The following EXT1 variants were observed in gnomAD, a reference collection of about 807,000 sequenced individuals.
EXT1 encodes exostosin-1.
In EXT1, 20 loss-of-function variants were observed where a neutral mutation model predicts 82.5. That is an observed-to-expected ratio of 0.24 (90% CI 0.17 to 0.35). EXT1 has a LOEUF of 0.35. Among genes scored for constraint, EXT1 ranks in the 10% least tolerant of loss-of-function variants. The probability of loss-of-function intolerance (pLI) is 1.00; values close to 1 mark genes in which losing one functional copy is unlikely to be tolerated. For missense variants in EXT1, 757 were observed against 936.5 expected (o/e 0.81, Z 2.50); for synonymous variants, 348 against 350.8 (o/e 0.99, Z 0.09).
chr8:117,853,531 A>G (rs1812490616), intron 1 of EXT1, among the ~76,000 whole-genome samples: 1 of 152,206 alleles, frequency 6.6e-6, no homozygotes, highest in Admixed American at 6.5e-5. Flanking sequence ...CAGATTCCAC[A>G]TACCTGCTAA....
intron 1 of EXT1, among the ~76,000 whole-genome samples, chr8:117,954,391 C>G (rs1407968102): frequency 6.6e-6 from 1 of 152,162 alleles, no homozygotes; most frequent in Non-Finnish European, 1.5e-5. Context: ...GTCTTGCCCC[C>G]ATAAGATGTC....
chr8:117,983,267 C>CTGAGGTGG (rs1327671374), intron 1 of EXT1, among the ~76,000 whole-genome samples: 1 of 152,028 alleles, frequency 6.6e-6, no homozygotes, highest in East Asian at 1.9e-4. Context: ...GAGGATTGTT[C>CTGAGGTGG]GAGTCCAGGA....
chr8:117,931,865 T>C (rs1480282420), intron 1 of EXT1, among the ~76,000 whole-genome samples: 1 of 152,242 alleles, frequency 6.6e-6, no homozygotes, highest in Non-Finnish European at 1.5e-5. Flanking sequence ...CTCTGGGTCC[T>C]AGATTTTTGA....
chr8:117,880,287 G>A (rs914103430), intron 1 of EXT1, among the ~76,000 whole-genome samples: 14 of 152,144 alleles, frequency 9.2e-5, no homozygotes, highest in South Asian at 2.1e-4. Context: ...CAAAGACAGC[G>A]TGCTGAATGA....
intron 1 of EXT1, among the ~76,000 whole-genome samples, chr8:117,949,752 G>A (rs1242378090): frequency 6.6e-6 from 1 of 152,076 alleles, no homozygotes; most frequent in Non-Finnish European, 1.5e-5. Context: ...ACGAAAGAGA[G>A]AAAAAGAATC....
chr8:118,023,865 G>C (rs1282026356), intron 1 of EXT1, among the ~76,000 whole-genome samples: 2 of 152,206 alleles, frequency 1.3e-5, no homozygotes, highest in African/African-American at 4.8e-5. Flanking sequence ...TCCAGAATTA[G>C]CAATGCCATT....
chr8:117,942,482 T>C (rs1476589916), intron 1 of EXT1, among the ~76,000 whole-genome samples: 3 of 151,984 alleles, frequency 2.0e-5, no homozygotes, highest in Non-Finnish European at 4.4e-5. Flanking sequence ...GAGGCCGAGG[T>C]GGGCAGATCA....
intron 1 of EXT1, among the ~76,000 whole-genome samples, chr8:118,100,406 C>T (rs1418547161): frequency 6.6e-6 from 1 of 152,178 alleles, no homozygotes; most frequent in Non-Finnish European, 1.5e-5. Flanking sequence ...CTGAGCTCCA[C>T]TCACACACGG....
At chr8:117,873,161 T>C (rs1000161097) in intron 1 of EXT1, among the ~76,000 whole-genome samples, 6 of 152,168 alleles carry the variant, frequency 3.9e-5, no homozygotes, top group African/African-American at 1.2e-4. Context: ...GTCTGTAACC[T>C]GAAAGAGGGC....
At chr8:118,052,528 A>C (rs1204248466) in intron 1 of EXT1, among the ~76,000 whole-genome samples, 3 of 152,232 alleles carry the variant, frequency 2.0e-5, no homozygotes, top group Non-Finnish European at 4.4e-5. Context: ...CTTGTAAGAC[A>C]ACTGGGCTAA....
At chr8:117,813,218 T>C (rs1823360501) in intron 7 of EXT1, among the ~76,000 whole-genome samples, 1 of 152,160 alleles carries the variant, frequency 6.6e-6, no homozygotes, top group Non-Finnish European at 1.5e-5. Context: ...TTCCCTGTCT[T>C]TGAAGAGTTC....
At chr8:118,077,025 A>T (rs1563648911) in intron 1 of EXT1, among the ~76,000 whole-genome samples, 1 of 152,240 alleles carries the variant, frequency 6.6e-6, no homozygotes, top group South Asian at 2.1e-4. Flanking sequence ...ACACACAGAA[A>T]AGTCCAAAAA....
At chr8:118,038,797 C>T (rs530905394) in intron 1 of EXT1, among the ~76,000 whole-genome samples, 6 of 152,330 alleles carry the variant, frequency 3.9e-5, no homozygotes, top group African/African-American at 1.4e-4. Context: ...TCCTAATACA[C>T]CTGGCCACTC....
At chr8:117,856,741 T>A (rs1018844169) in intron 1 of EXT1, among the ~76,000 whole-genome samples, 17 of 152,030 alleles carry the variant, frequency 1.1e-4, no homozygotes, top group Non-Finnish European at 2.2e-4. Flanking sequence ...ATCCATAAGA[T>A]CATTGATGAG....
intron 1 of EXT1, among the ~76,000 whole-genome samples, chr8:117,852,174 C>G (rs1459732026): frequency 6.6e-6 from 1 of 152,154 alleles, no homozygotes; most frequent in Non-Finnish European, 1.5e-5. Flanking sequence ...ATAATTTGAA[C>G]TGAGGCATTG....
chr8:118,088,510 TAGGGGAAGAAA>T (rs1291700542), intron 1 of EXT1, among the ~76,000 whole-genome samples: 7 of 140,630 alleles, frequency 5.0e-5, no homozygotes, highest in African/African-American at 1.8e-4. Flanking sequence ...AAAAAAAAGG[TAGGGGAAGAAA>T]GGGGGGAGAC....
At chr8:117,954,168 CG>C (rs1376033772) in intron 1 of EXT1, among the ~76,000 whole-genome samples, 1 of 152,146 alleles carries the variant, frequency 6.6e-6, no homozygotes, top group Non-Finnish European at 1.5e-5. Flanking sequence ...TTGCTTGACC[CG>C]CGACTAATGG....
chr8:118,091,969 T>C (rs1817533905), intron 1 of EXT1, among the ~76,000 whole-genome samples: 1 of 152,144 alleles, frequency 6.6e-6, no homozygotes, highest in Non-Finnish European at 1.5e-5. Flanking sequence ...AACTCAGCAC[T>C]GGGTTAAGTG....
intron 1 of EXT1, among the ~76,000 whole-genome samples, chr8:117,889,799 T>C (rs551714249): frequency 1.3e-5 from 2 of 152,300 alleles, no homozygotes; most frequent in African/African-American, 4.8e-5. Flanking sequence ...AGTTATAAAA[T>C]CATCGTGAGA....
Sources: gnomAD v4.1 joint callset for allele counts (sites outside exome capture counted in the v4.1 genomes callset) on GRCh38, gnomAD v4.1.1 for gene constraint, MANE v1.5 for transcripts, NCBI Gene and HGNC (gene_info 2026-07-23, HGNC 2026-07-21) for gene names.